NOS1: variants seen among roughly 807,000 people sequenced by gnomAD.
NOS1 encodes the protein NOS type I.
NOS1 carries 51 observed loss-of-function variants against 164.5 expected under a neutral mutation model. The observed-to-expected ratio is 0.31, with a 90% CI of 0.25 to 0.39. The LOEUF (loss-of-function observed/expected upper bound fraction) is 0.39, where lower values mean the gene tolerates loss of function less well. Ranked by LOEUF, NOS1 falls within the 10% of genes least tolerant of loss-of-function variation. The pLI is 1.00. For synonymous variants in NOS1, 719 were observed against 745.8 expected, an observed-to-expected ratio of 0.96 and a Z score of 0.59; for missense variants, 1,362 against 1,885.6, an observed-to-expected ratio of 0.72 and a Z score of 5.14.
In NOS1 at chr12:117,213,853, G is replaced by A. The variant is rs1956564141; in HGVS notation, c.*1456C>T. The A allele has an allele frequency of 1.0e-6, 1 of 980,422 alleles. No homozygotes were observed. The highest frequency in any genetic ancestry group is 4.7e-5 in the South Asian group (1 of 21,278). The allele number at this position is 980,422 out of a possible 1,614,324, so 60.7% of individuals were successfully genotyped here. On this transcript the variant is annotated 3_prime_UTR_variant, in exon 29 of 29. Coordinates refer to ENST00000317775, the MANE Select transcript of NOS1 (RefSeq NM_000620.5). ...TGTAGTATTTAAAAAAGTATACAAAGGGATCCCTTCCCACCATTTACTCTG... is the reference window on the plus strand; with the variant it reads ...TGTAGTATTTAAAAAAGTATACAAAAGGATCCCTTCCCACCATTTACTCTG...
chr12:117,304,712 C>G (rs567483174), intron 3 of NOS1, among the ~76,000 whole-genome samples: 1 of 152,254 alleles, frequency 6.6e-6, no homozygotes, highest in South Asian at 2.1e-4. Context: ...TCTCACTGGC[C>G]CCACCCACAG....
intron 4 of NOS1, among the ~76,000 whole-genome samples, chr12:117,288,611 C>T (rs1226843315): frequency 6.6e-6 from 1 of 152,098 alleles, no homozygotes; most frequent in Non-Finnish European, 1.5e-5. Context: ...AATTTTTCCC[C>T]TCCCTGTATT....
At chr12:117,266,789 C>A (rs561706594) in intron 11 of NOS1, among the ~76,000 whole-genome samples, 1 of 152,230 alleles carries the variant, frequency 6.6e-6, no homozygotes, top group South Asian at 2.1e-4. Context: ...CCACCCTCCT[C>A]GACCTCCCAA....
chr12:117,264,047 G>C (rs1349052093), intron 12 of NOS1, 73 bp from the exon 13 acceptor site: 3 of 1,133,132 alleles, frequency 2.6e-6, no homozygotes, highest in East Asian at 3.1e-5. Flanking sequence ...GGATGCTCAG[G>C]ACCACCTGGG....
In NOS1 at chr12:117,213,705, A is replaced by G. The variant is rs1018283653; in HGVS notation, c.*1604T>C. 2.2e-5 allele frequency: 22 copies of G among 985,322 alleles called. No individual in the cohort carries two copies. In the African/African-American group the frequency reaches 2.8e-4, roughly 13 times the overall value. The allele number at this position is 985,322 out of a possible 1,614,324, so 61.0% of individuals were successfully genotyped here. A position where few individuals can be genotyped will look rare whatever the true frequency, so the allele number is the denominator to read the frequency against. On this transcript the variant is annotated 3_prime_UTR_variant, in exon 29 of 29. Transcript: ENST00000317775. ...TATAAAAGAAATGTGGTTTTTCTGT[A>G]TAGCAAGACACAACAAACAGGGTAG...
At position 117,299,094 on chromosome 12, in the gene NOS1, C is replaced by A. The variant is rs1225346645; in HGVS notation, c.853-8668G>T. Among the ~76,000 whole-genome samples the A allele has an allele frequency of 2.6e-5, 4 of 152,162 alleles. No homozygotes were observed. The East Asian group carries it at 5.8e-4, about 22-fold the overall frequency. On this transcript the variant is annotated intron_variant, in intron 3 of 28. Coordinates refer to ENST00000317775, the MANE Select transcript of NOS1 (RefSeq NM_000620.5). Reference sequence around the variant, plus strand: ...CTGTGCCCTTTGCTGCAGCCCTGGGCGGCATCGCACCCACCTGTGGGTACC... The same window carrying A: ...CTGTGCCCTTTGCTGCAGCCCTGGGAGGCATCGCACCCACCTGTGGGTACC...
chr12:117,235,322 A>T (rs1037263650), intron 20 of NOS1, among the ~76,000 whole-genome samples: 2 of 152,176 alleles, frequency 1.3e-5, no homozygotes, highest in Non-Finnish European at 2.9e-5. Flanking sequence ...AGTATTGGGC[A>T]TAACTCCTCA....
intron 3 of NOS1, among the ~76,000 whole-genome samples, chr12:117,309,929 C>T (rs930923387): frequency 2.6e-5 from 4 of 152,282 alleles, no homozygotes; most frequent in Admixed American, 1.3e-4. Context: ...GACAGGGTCT[C>T]GCTCTGTTGC....
chr12:117,254,572 T>A (rs1871304574), intron 16 of NOS1, among the ~76,000 whole-genome samples: 1 of 152,254 alleles, frequency 6.6e-6, no homozygotes, highest in Admixed American at 6.5e-5. Context: ...AACTAGACCA[T>A]GCTGTCCAAG....
At chr12:117,302,159 T>C (rs1039848620) in intron 3 of NOS1, 7 of 448,520 alleles carry the variant, frequency 1.6e-5, no homozygotes, top group Non-Finnish European at 3.2e-5. Flanking sequence ...GCACAGTACC[T>C]GATATTGCTC....
In NOS1 at chr12:117,215,304, T is replaced by C. The variant is rs770083180; in HGVS notation, c.*5A>G. 1.3e-6 allele frequency: 2 copies of C among 1,555,446 alleles called. No individual in the cohort carries two copies. Among genetic ancestry groups the C allele is most frequent in the South Asian group, 1.2e-5 (1 of 81,542 alleles). On this transcript the variant is annotated 3_prime_UTR_variant, in exon 29 of 29. Transcript: ENST00000317775. ...ACTTGCAGCCGGCTGGGCAAGAGGG[T>C]CCAGTTAGGAGCTGAAAACCCTGTG...
intron 3 of NOS1, among the ~76,000 whole-genome samples, chr12:117,298,916 C>T (rs1187849954): frequency 1.3e-5 from 2 of 152,354 alleles, no homozygotes; most frequent in South Asian, 2.1e-4. Context: ...CAAAGCAAGT[C>T]GCTTCTTATT....
At chr12:117,262,201 T>A (rs1305592349) in intron 13 of NOS1, among the ~76,000 whole-genome samples, 2 of 152,164 alleles carry the variant, frequency 1.3e-5, no homozygotes, top group African/African-American at 4.8e-5. Context: ...AAGATGCATC[T>A]ATAATTAATT....
intron 16 of NOS1, chr12:117,255,944 G>T: frequency 6.7e-7 from 1 of 1,492,420 alleles, no homozygotes; most frequent in Non-Finnish European, 8.9e-7. Flanking sequence ...ACCTGTGCTG[G>T]CTGTCACGGG....
rs55641698 is a variant in NOS1 at position 117,253,604 on chromosome 12, C to T, written c.2648+34G>A. Reference sequence around the variant, plus strand: ...CAAGCTCCCCAGGAGCCTTAGTCTTCCCTGACCCCCGACCCCCTTATCCCC... The same window carrying T: ...CAAGCTCCCCAGGAGCCTTAGTCTTTCCTGACCCCCGACCCCCTTATCCCC... On this transcript the variant is annotated intron_variant, in intron 17 of 28. Coordinates refer to ENST00000317775, the MANE Select transcript of NOS1 (RefSeq NM_000620.5). The T allele has an allele frequency of 6.0e-3, 8,956 of 1,483,350 alleles. 40 individuals carry two copies. Among genetic ancestry groups the T allele is most frequent in the Middle Eastern group, 0.019 (87 of 4,590 alleles). 91.9% of individuals were successfully genotyped at this position (1,483,350 alleles called of 1,614,324 possible). A position where few individuals can be genotyped will look rare whatever the true frequency, so the allele number is the denominator to read the frequency against.
At chr12:117,263,581 T>TTATTATTAC (rs1872116263) in intron 13 of NOS1, among the ~76,000 whole-genome samples, 1 of 13,472 alleles carries the variant, frequency 7.4e-5, no homozygotes, top group African/African-American at 1.2e-4. Context: ...ATTACTATTA[T>TTATTATTAC]TATTATTATT....
At chr12:117,302,393 G>A (rs1227839715) in intron 3 of NOS1, among the ~76,000 whole-genome samples, 1 of 152,060 alleles carries the variant, frequency 6.6e-6, no homozygotes, top group African/African-American at 2.4e-5. Context: ...AGGAGATCGA[G>A]ACCATCCTGG....
chr12:117,272,521 C>G lies in NOS1; in HGVS notation c.1703G>C (p.Gly568Ala), dbSNP rs774678651. Reference sequence around the variant, plus strand: ...GAGCATGTTGGACACGGCGGGGAGGCCGTACCACTTCAGCCCCAGGTCCTT... The same window carrying G: ...GAGCATGTTGGACACGGCGGGGAGGGCGTACCACTTCAGCCCCAGGTCCTT... ...WFKDLGLKWY[G>A]LPAVSNMLLE... Residue 568 changes from glycine (G) to alanine (A), a missense_variant, in exon 10 of 29, where the codon GGC (glycine) becomes GCC (alanine). By Grantham distance (60) the Gly-to-Ala change is moderately conservative (BLOSUM62 0). This residue lies in a region of NOS1 where 134 missense variants were observed against 267.3 expected (regional missense o/e 0.50). Coordinates refer to ENST00000317775, the MANE Select transcript of NOS1 (RefSeq NM_000620.5). The surrounding 1 kb of genome is among the most constrained non-coding windows in gnomAD (Gnocchi z 4.3). The G allele has an allele frequency of 1.2e-6, 2 of 1,614,146 alleles. No individual in the cohort carries two copies. The highest frequency in any genetic ancestry group is 3.3e-5 in the Admixed American group (2 of 60,014).
In NOS1 at chr12:117,272,278, C is replaced by A; in HGVS notation, c.1839+107G>T. The A allele has an allele frequency of 8.4e-7, 1 of 1,191,190 alleles. No homozygotes were observed. The highest frequency in any genetic ancestry group is 1.2e-6 in the Non-Finnish European group (1 of 808,668). The allele number at this position is 1,191,190 out of a possible 1,614,324, so 73.8% of individuals were successfully genotyped here. A position where few individuals can be genotyped will look rare whatever the true frequency, so the allele number is the denominator to read the frequency against. ...CTCTGGGATTGCAATTCTATTCTAA[C>A]CCCTTCAAGTTTCCAAGCCACCAAG... On this transcript the variant is annotated intron_variant, in intron 10 of 28. Transcript: ENST00000317775. This position sits in a 1 kb window ranked among gnomAD's most constrained non-coding sequence, Gnocchi z 4.3.
Sources: gnomAD v4.1 joint callset for allele counts (sites outside exome capture counted in the v4.1 genomes callset) on GRCh38, gnomAD v4.1.1 for gene constraint, gnomAD v4.1.1 regional missense constraint, Gnocchi (gnomAD v3.1) non-coding constraint, MANE v1.5 for transcripts, NCBI Gene and HGNC (gene_info 2026-07-23, HGNC 2026-07-21) for gene names.